KRIT1: variants seen among roughly 807,000 people sequenced by gnomAD.
KRIT1 encodes the protein KRIT1 ankyrin repeat containing.
Under a neutral mutation model 95.8 loss-of-function variants are expected in KRIT1, and 45 were observed. The ratio of observed to expected loss-of-function variants is 0.47; its 90% CI spans 0.37 to 0.60. The LOEUF (loss-of-function observed/expected upper bound fraction) is 0.60, where lower values mean the gene tolerates loss of function less well. Ranked by LOEUF, KRIT1 falls within the 20% of genes least tolerant of loss-of-function variation. KRIT1 has a pLI of 0.00. For synonymous variants in KRIT1, 282 were observed against 278.8 expected, an observed-to-expected ratio of 1.01 and a Z score of -0.11; for missense variants, 788 against 877.5, an observed-to-expected ratio of 0.90 and a Z score of 1.29.
chr7:92,223,160 T>G (rs557395964), intron 12 of KRIT1, among the ~76,000 whole-genome samples, 182 bp from the exon 13 acceptor site: 4 of 151,208 alleles, frequency 2.6e-5, no homozygotes, highest in Admixed American at 1.3e-4. Flanking sequence ...CCGGGCGCGG[T>G]GGCTCACGCC....
At chr7:92,223,195 C>T (rs1250675729) in intron 12 of KRIT1, among the ~76,000 whole-genome samples, 1 of 149,660 alleles carries the variant, frequency 6.7e-6, no homozygotes, top group Non-Finnish European at 1.5e-5. Flanking sequence ...TTTGGGAGGC[C>T]GAGGCGGGCG....
chr7:92,210,786 G>C (rs2131271431), intron 17 of KRIT1, among the ~76,000 whole-genome samples: 1 of 152,312 alleles, frequency 6.6e-6, no homozygotes, highest in East Asian at 1.9e-4. Flanking sequence ...CTGTTCATTA[G>C]ACTAGGGACT....
At chr7:92,209,866 C>T (rs912390152) in intron 17 of KRIT1, among the ~76,000 whole-genome samples, 1 of 151,818 alleles carries the variant, frequency 6.6e-6, no homozygotes, top group Non-Finnish European at 1.5e-5. Context: ...AGTTCAAGAC[C>T]AGCCTGGCCA....
In KRIT1 at chr7:92,237,760, C is replaced by A; in HGVS notation, c.263-1G>T. 1 of 1,548,554 alleles carries A rather than the reference C, an allele frequency of 6.5e-7. No individual in the cohort carries two copies. Among genetic ancestry groups the A allele is most frequent in the Non-Finnish European group, 8.9e-7 (1 of 1,120,886 alleles). ...TTTTTCATTAGTACAACTCGTTTTC[C>A]TAATCATTTTTAAAAAGTTAGCAAA... On this transcript the variant is annotated splice_acceptor_variant, in intron 5 of 18. Coordinates refer to ENST00000394505, the MANE Select transcript of KRIT1 (RefSeq NM_194454.3). LOFTEE classifies it high-confidence loss of function.
At chr7:92,227,941 G>A (rs1020139886) in intron 10 of KRIT1, among the ~76,000 whole-genome samples, 1 of 152,084 alleles carries the variant, frequency 6.6e-6, no homozygotes, top group Non-Finnish European at 1.5e-5. Flanking sequence ...GAACCCAGGA[G>A]GCGGAGGTTG....
chr7:92,225,920 AAG>A (rs1401100094), intron 11 of KRIT1, 93 bp from the exon 12 acceptor site: 1 of 741,352 alleles, frequency 1.3e-6, no homozygotes, highest in Non-Finnish European at 2.4e-6. Flanking sequence ...TTTCATAAAA[AAG>A]AGACTCTTGT....
At chr7:92,209,018 G>A (rs1415314782) in intron 17 of KRIT1, among the ~76,000 whole-genome samples, 1 of 152,060 alleles carries the variant, frequency 6.6e-6, no homozygotes, top group African/African-American at 2.4e-5. Flanking sequence ...ATTTATGCCC[G>A]GGAGGTGAGG....
At chr7:92,235,156 C>T (rs1373423457) in intron 8 of KRIT1, among the ~76,000 whole-genome samples, 2 of 152,104 alleles carry the variant, frequency 1.3e-5, no homozygotes, top group Non-Finnish European at 2.9e-5. Flanking sequence ...TACGCCACCA[C>T]ATCCAGCTAA....
intron 17 of KRIT1, among the ~76,000 whole-genome samples, chr7:92,211,001 A>G (rs1792687005): frequency 6.6e-6 from 1 of 152,208 alleles, no homozygotes; most frequent in South Asian, 2.1e-4. Flanking sequence ...CCCAGTTAGA[A>G]TGGCTATTAT....
intron 9 of KRIT1, 101 bp downstream of exon 9, chr7:92,234,707 T>A (rs991935594): frequency 9.3e-7 from 1 of 1,080,064 alleles, no homozygotes; most frequent in African/African-American, 1.6e-5. Flanking sequence ...AACTCAATAG[T>A]GACTACAATG....
chr7:92,200,116 A>G lies in KRIT1; in HGVS notation c.*620T>C, dbSNP rs896807578. On this transcript the variant is annotated 3_prime_UTR_variant, in exon 19 of 19. Coordinates refer to ENST00000394505, the MANE Select transcript of KRIT1 (RefSeq NM_194454.3). ...CAAAGCTACATTTTAATCTCATCAC[A>G]TTCCACCCCAAATTCCTTACCATTT... The G allele has an allele frequency of 1.3e-5, 2 of 152,892 alleles. No individual in the cohort carries two copies. Among genetic ancestry groups the G allele is most frequent in the African/African-American group, 4.8e-5 (2 of 41,448 alleles). 9.5% of individuals were successfully genotyped at this position (152,892 alleles called of 1,614,324 possible). A position where few individuals can be genotyped will look rare whatever the true frequency, so the allele number is the denominator to read the frequency against.
At chr7:92,223,559 A>T (rs1280792619) in intron 12 of KRIT1, among the ~76,000 whole-genome samples, 1 of 152,226 alleles carries the variant, frequency 6.6e-6, no homozygotes, top group Non-Finnish European at 1.5e-5. Context: ...AAACATACTC[A>T]ATGTCAAATT....
intron 17 of KRIT1, chr7:92,206,186 A>G (rs1791449149): frequency 1.3e-5 from 2 of 152,848 alleles, no homozygotes; most frequent in Non-Finnish European, 2.9e-5. Flanking sequence ...CGCTGCTGCC[A>G]TTGCCTGCAT....
chr7:92,234,563 A>G lies in KRIT1; in HGVS notation c.875T>C (p.Leu292Pro). The change falls in exon 10 of 19, where the codon CTC becomes CCC. Residue 292 changes from leucine (L) to proline (P), a missense_variant. Leu to Pro is a moderately conservative substitution (Grantham distance 98). This residue lies in a region of KRIT1 where 493 missense variants were observed against 582.3 expected (regional missense o/e 0.85). Transcript: ENST00000394505. ...KERQWVDDFP[L>P]HRSACEGDSE... ...ATCTCCTTCACAGGCGCTTCGGTGG[A>G]GAGGAAAATCATCTACCCACTGTCG... The G allele has an allele frequency of 6.2e-7, 1 of 1,613,464 alleles. No individual in the cohort carries two copies. The highest frequency in any genetic ancestry group is 8.5e-7 in the Non-Finnish European group (1 of 1,179,398).
chr7:92,232,425 A>T (rs1797491988), intron 10 of KRIT1, among the ~76,000 whole-genome samples: 1 of 152,036 alleles, frequency 6.6e-6, no homozygotes, highest in South Asian at 2.1e-4. Context: ...GTACTGAAAC[A>T]TAGGTACATT....
intron 12 of KRIT1, among the ~76,000 whole-genome samples, chr7:92,225,024 G>A (rs142158657): frequency 3.7e-4 from 57 of 152,124 alleles, no homozygotes; most frequent in African/African-American, 1.3e-3. Flanking sequence ...GGGCGTGGTG[G>A]CAGGCGCACG....
chr7:92,212,747 G>C (rs1181211425), intron 17 of KRIT1, among the ~76,000 whole-genome samples: 1 of 152,234 alleles, frequency 6.6e-6, no homozygotes, highest in Non-Finnish European at 1.5e-5. Flanking sequence ...GAACTAGATA[G>C]GTATGTAATG....
chr7:92,222,989 C>G lies in KRIT1; in HGVS notation c.1255-11G>C. The G allele has an allele frequency of 4.4e-6, 7 of 1,582,892 alleles. No individual in the cohort carries two copies. Among genetic ancestry groups the G allele is most frequent in the Non-Finnish European group, 6.1e-6 (7 of 1,153,410 alleles). On this transcript the variant is annotated splice_polypyrimidine_tract_variant and intron_variant, in intron 12 of 18. Coordinates refer to ENST00000394505, the MANE Select transcript of KRIT1 (RefSeq NM_194454.3). Reference sequence around the variant, plus strand: ...TCGAACTTTTTCATACTACAAGAAACGATAACTTACGTAACGAACTTAAAA... The same window carrying G: ...TCGAACTTTTTCATACTACAAGAAAGGATAACTTACGTAACGAACTTAAAA...
At chr7:92,218,707 T>C (rs1365167567) in intron 14 of KRIT1, among the ~76,000 whole-genome samples, 1 of 152,140 alleles carries the variant, frequency 6.6e-6, no homozygotes, top group Non-Finnish European at 1.5e-5. Context: ...GGCCTTTTTA[T>C]TGTTGAGTTG....
Sources: allele counts gnomAD v4.1 joint callset (sites outside exome capture counted in the v4.1 genomes callset), GRCh38; gene constraint gnomAD v4.1.1; regional missense constraint gnomAD v4.1.1; transcripts MANE v1.5; gene names NCBI Gene and HGNC (gene_info 2026-07-23, HGNC 2026-07-21).